Variants in KCNK17 observed in about 807,000 individuals in gnomAD.
The protein encoded by KCNK17 is potassium two pore domain channel subfamily K member 17.
A neutral mutation model predicts 24.6 loss-of-function variants in KCNK17; 27 were observed. The observed-to-expected ratio is 1.10, with a 90% confidence interval of 0.81 to 1.51. The LOEUF (loss-of-function observed/expected upper bound fraction) is 1.51. Ranked by LOEUF, KCNK17 falls within the 40% of genes most tolerant of loss-of-function variation. KCNK17 has a pLI of 0.00. For synonymous variants in KCNK17, 181 were observed against 189.8 expected, an observed-to-expected ratio of 0.95 and a Z score of 0.38; for missense variants, 450 against 436.6, an observed-to-expected ratio of 1.03 and a Z score of -0.27.
intron 1 of KCNK17, among the ~76,000 whole-genome samples, chr6:39,311,927 C>G (rs6927737): frequency 0.018 from 2,752 of 152,106 alleles, 73 homozygotes; most frequent in African/African-American, 0.058. Flanking sequence ...GGGATGAAGT[C>G]GCAGGTATCA....
intron 1 of KCNK17, among the ~76,000 whole-genome samples, chr6:39,312,992 CG>C (rs969991804): frequency 6.6e-6 from 1 of 152,224 alleles, no homozygotes; most frequent in African/African-American, 2.4e-5. Context: ...CACCCTGGCA[CG>C]GTTCCCTGCC....
chr6:39,314,046 A>G (rs1337760848), intron 1 of KCNK17, 38 bp downstream of exon 1: 5 of 1,490,726 alleles, frequency 3.4e-6, no homozygotes, highest in Admixed American at 2.0e-5. Context: ...CCGCTACCCC[A>G]TCCCGCCGCG....
Position 39,314,301 on chromosome 6 carries a change from C to A in KCNK17, c.20G>T (p.Arg7Leu). 1 of 1,460,146 alleles carries A rather than the reference C, an allele frequency of 6.8e-7. No individual in the cohort carries two copies. Among genetic ancestry groups the A allele is most frequent in the South Asian group, 1.4e-5 (1 of 73,202 alleles). The allele number at this position is 1,460,146 out of a possible 1,614,324, so 90.4% of individuals were successfully genotyped here. MYRPRARAAPEGRVRGC... is the reference protein window; with the variant it reads MYRPRALAAPEGRVRGC... ...CCGGACCCTGCCCTCGGGAGCCGCC[C>A]GGGCTCGCGGTCGGTACATAGCGGG... is the stretch of plus-strand genomic sequence containing the variant. The change falls in exon 1 of 5, where the codon CGG (arginine) becomes CTG (leucine). Residue 7 changes from arginine to leucine, a missense_variant. Transcript: ENST00000373231.
Position 39,301,635 on chromosome 6 carries a change from T to A in KCNK17, c.689-1898A>T, listed in dbSNP as rs180769157. ...CTTCTCCGTTTTTATTTCATTTTTT[T>A]AAGCTGAAATCATAAGTGGCAGGAG... On this transcript the variant is annotated intron_variant, in intron 4 of 4. Transcript: ENST00000373231. 4.2e-4 allele frequency among the ~76,000 whole-genome samples: 64 copies of A among 152,390 alleles called. 1 individual carries two copies. The East Asian group carries it at 0.012, about 28-fold the overall frequency.
At position 39,304,614 on chromosome 6, in the gene KCNK17, A is replaced by C; in HGVS notation, c.394T>G (p.Phe132Val). ...CCCACAAGGGCAAAGAAGATGCAGA[A>C]GAGGCGGGCAGCCATCGTGTTGGGG... is the stretch of plus-strand genomic sequence containing the variant. ...LSPNTMAARL[F>V]CIFFALVGIP... Residue 132 changes from phenylalanine (F) to valine (V), a missense_variant, in exon 3 of 5, where the codon TTC becomes GTC. Phe to Val is a conservative substitution (Grantham distance 50). Coordinates refer to ENST00000373231, the MANE Select transcript of KCNK17 (RefSeq NM_031460.4). The C allele has an allele frequency of 6.2e-7, 1 of 1,613,856 alleles. No individual in the cohort carries two copies. The highest frequency in any genetic ancestry group is 8.5e-7 in the Non-Finnish European group (1 of 1,179,760).
At chr6:39,303,862 C>A in intron 4 of KCNK17, 95 bp downstream of exon 4, 2 of 1,372,882 alleles carry the variant, frequency 1.5e-6, no homozygotes, top group Admixed American at 1.8e-5. Flanking sequence ...CCCCACATGG[C>A]GTGCACACAG....
At chr6:39,305,536 G>T (rs1240224768) in intron 2 of KCNK17, among the ~76,000 whole-genome samples, 3 of 152,178 alleles carry the variant, frequency 2.0e-5, no homozygotes, top group Non-Finnish European at 4.4e-5. Context: ...GAGAGGGGAA[G>T]CTAGGGGAGG....
chr6:39,302,316 G>T (rs1449332238), intron 4 of KCNK17, among the ~76,000 whole-genome samples: 1 of 151,942 alleles, frequency 6.6e-6, no homozygotes, highest in African/African-American at 2.4e-5. Flanking sequence ...TGTATTGGTA[G>T]GAGGGGGGTT....
rs763883044 is a variant in KCNK17 at position 39,299,435 on chromosome 6, C to T, written c.991G>A (p.Asp331Asn). The change falls in exon 5 of 5, where the codon GAC becomes AAC. Residue 331 changes from aspartate (D) to asparagine (N), a missense_variant. Physicochemically the swap from Asp to Asn is conservative, Grantham distance 23. Transcript: ENST00000373231. ...PSAHAAGCGK[D>N]S ...CAAAGAATGGAGTATAACTAGCTGT[C>T]CTTGCCACAGCCTGCAGCGTGAGCA... The T allele has an allele frequency of 3.1e-6, 5 of 1,612,478 alleles. No individual in the cohort carries two copies. In the East Asian group the frequency reaches 8.9e-5, roughly 29 times the overall value.
At chr6:39,310,848 C>G (rs1371276839) in intron 2 of KCNK17, 45 bp downstream of exon 2, 4 of 1,310,178 alleles carry the variant, frequency 3.1e-6, no homozygotes, top group Non-Finnish European at 4.2e-6. Context: ...CAGGGAGCTG[C>G]CTCCTTCCCC....
Position 39,314,146 on chromosome 6 carries a change from T to C in KCNK17, c.175A>G (p.Lys59Glu). ...GTGAAGTTCTGCAACAGCTCCCACT[T>C]GTCGCGCTGGAAGCTGCGGCTGGAG... ...QDSSRSFQRD[K>E]WELLQNFTCL... is the part of the protein sequence containing the mutation. The change falls in exon 1 of 5, where the codon AAG becomes GAG. Residue 59 changes from lysine (K) to glutamate (E), a missense_variant. By Grantham distance (56) the Lys-to-Glu change is moderately conservative (BLOSUM62 1). Transcript: ENST00000373231. The C allele has an allele frequency of 6.3e-7, 1 of 1,587,740 alleles. No homozygotes were observed. The highest frequency in any genetic ancestry group is 8.5e-7 in the Non-Finnish European group (1 of 1,170,308).
chr6:39,299,400 G>C lies in KCNK17; in HGVS notation c.*27C>G, dbSNP rs926918547. On this transcript the variant is annotated 3_prime_UTR_variant, in exon 5 of 5. Transcript: ENST00000373231. Reference sequence around the variant, plus strand: ...TTAAAATCAGGGGTCTTGCTACCGAGGACGACGACCAAAGAATGGAGTATA... The same window carrying C: ...TTAAAATCAGGGGTCTTGCTACCGACGACGACGACCAAAGAATGGAGTATA... 2.5e-6 allele frequency: 4 copies of C among 1,572,362 alleles called. No individual in the cohort carries two copies. The highest frequency in any genetic ancestry group is 3.5e-6 in the Non-Finnish European group (4 of 1,148,858).
At chr6:39,302,242 C>T (rs1017152273) in intron 4 of KCNK17, among the ~76,000 whole-genome samples, 1 of 152,120 alleles carries the variant, frequency 6.6e-6, no homozygotes, top group East Asian at 1.9e-4. Flanking sequence ...TCTTGCCCAT[C>T]CTTGCCCCAG....
At position 39,299,080 on chromosome 6, in the gene KCNK17, G is replaced by A. The variant is rs1307744659; in HGVS notation, c.*347C>T. Reference sequence around the variant, plus strand: ...ATTCCGTTTGTTAGGATGGCTCTGTGATCATCAGAGATCCAGACTCTTCCT... The same window carrying A: ...ATTCCGTTTGTTAGGATGGCTCTGTAATCATCAGAGATCCAGACTCTTCCT... On this transcript the variant is annotated 3_prime_UTR_variant, in exon 5 of 5. Coordinates refer to ENST00000373231, the MANE Select transcript of KCNK17 (RefSeq NM_031460.4). The A allele has an allele frequency of 1.1e-5, 3 of 273,838 alleles. No homozygotes were observed. The highest frequency in any genetic ancestry group is 2.1e-5 in the Non-Finnish European group (3 of 145,196). 17.0% of individuals were successfully genotyped at this position (273,838 alleles called of 1,614,324 possible).
chr6:39,304,339 T>C, intron 3 of KCNK17, 156 bp downstream of exon 3: 2 of 799,362 alleles, frequency 2.5e-6, no homozygotes, highest in Non-Finnish European at 3.9e-6. Context: ...ATGCCCTTTT[T>C]CACTAAGGAC....
chr6:39,299,226 A>ATT lies in KCNK17; in HGVS notation c.*200_*201insAA. The ATT allele has an allele frequency of 3.5e-6, 2 of 569,694 alleles. No homozygotes were observed. The highest frequency in any genetic ancestry group is 6.2e-6 in the Non-Finnish European group (2 of 322,170). The allele number at this position is 569,694 out of a possible 1,614,324, so 35.3% of individuals were successfully genotyped here. A position where few individuals can be genotyped will look rare whatever the true frequency, so the allele number is the denominator to read the frequency against. On this transcript the variant is annotated 3_prime_UTR_variant, in exon 5 of 5. Transcript: ENST00000373231. ...AAGTAAGGAAGTGGGGGAGAAGGGC[A>ATT]TGCTGCCCCGACACCCGAAAGTCAC... is the stretch of plus-strand genomic sequence containing the variant.
chr6:39,307,990 GTC>G (rs1762064819), intron 2 of KCNK17, among the ~76,000 whole-genome samples: 1 of 152,140 alleles, frequency 6.6e-6, no homozygotes, highest in South Asian at 2.1e-4. Context: ...TTTTACTCAT[GTC>G]TCTGCTTCAA....
intron 1 of KCNK17, 47 bp downstream of exon 1, chr6:39,314,037 C>A (rs1002941876): frequency 4.8e-6 from 7 of 1,448,930 alleles, no homozygotes; most frequent in Non-Finnish European, 6.5e-6. Context: ...CCCCGCGGCC[C>A]GCTACCCCAT....
intron 2 of KCNK17, among the ~76,000 whole-genome samples, chr6:39,309,061 C>T (rs138982483): frequency 0.016 from 2,402 of 152,324 alleles, 67 homozygotes; most frequent in African/African-American, 0.054. Context: ...CACAGTGGCT[C>T]ACACCTGTAA....
Sources: gnomAD v4.1 joint callset for allele counts (sites outside exome capture counted in the v4.1 genomes callset) on GRCh38, gnomAD v4.1.1 for gene constraint, MANE v1.5 for transcripts, NCBI Gene and HGNC (gene_info 2026-07-23, HGNC 2026-07-21) for gene names.